KPNA1: variants seen among roughly 807,000 people sequenced by gnomAD.
The protein encoded by KPNA1 is karyopherin subunit alpha 1.
A neutral mutation model predicts 70.5 loss-of-function variants in KPNA1; 10 were observed. That is an observed-to-expected ratio of 0.14 (90% CI 0.09 to 0.24). KPNA1 has a LOEUF of 0.24. KPNA1 is among the 10% of genes least tolerant of loss of function. KPNA1 has a pLI of 1.00. For synonymous variants in KPNA1, 192 were observed against 221.9 expected (o/e 0.87, Z 1.20); for missense variants, 397 against 637.9 (o/e 0.62, Z 4.07).
chr3:122,437,058 G>T, intron 11 of KPNA1, 112 bp downstream of exon 11: 1 of 1,056,550 alleles, frequency 9.5e-7, no homozygotes, highest in Non-Finnish European at 1.4e-6. Flanking sequence ...GGGATTACAG[G>T]CAGGAGCCAC....
intron 9 of KPNA1, among the ~76,000 whole-genome samples, chr3:122,446,528 T>G (rs1457701300): frequency 1.3e-5 from 2 of 152,182 alleles, no homozygotes; most frequent in Admixed American, 6.5e-5. Flanking sequence ...AAGCAGTGTG[T>G]AGAGGGAAAT....
intron 3 of KPNA1, 110 bp from the exon 4 acceptor site, chr3:122,464,151 A>G: frequency 1.0e-5 from 5 of 494,034 alleles, no homozygotes; most frequent in African/African-American, 2.0e-5. Flanking sequence ...ACTTCCCCAG[A>G]AGTTACATAA....
chr3:122,500,680 T>C (rs2076818257), intron 1 of KPNA1, among the ~76,000 whole-genome samples: 1 of 151,762 alleles, frequency 6.6e-6, no homozygotes, highest in Non-Finnish European at 1.5e-5. Context: ...GCTGGGGGGC[T>C]AGGGGGATAG....
At chr3:122,506,981 G>A (rs1019410678) in intron 1 of KPNA1, among the ~76,000 whole-genome samples, 2 of 152,120 alleles carry the variant, frequency 1.3e-5, no homozygotes, top group African/African-American at 4.8e-5. Flanking sequence ...TTATTCTAGT[G>A]AAAAATTGTA....
At chr3:122,509,601 C>A (rs1016060921) in intron 1 of KPNA1, among the ~76,000 whole-genome samples, 2 of 152,072 alleles carry the variant, frequency 1.3e-5, no homozygotes, top group Admixed American at 6.5e-5. Flanking sequence ...AGAAAAAGAC[C>A]TTTGCAAGGT....
chr3:122,481,180 G>A (rs115014353), intron 2 of KPNA1, among the ~76,000 whole-genome samples: 60 of 152,220 alleles, frequency 3.9e-4, no homozygotes, highest in Non-Finnish European at 6.9e-4. Flanking sequence ...TTAGCATACC[G>A]TATAGTACAT....
At chr3:122,455,738 T>C (rs1471911173) in intron 5 of KPNA1, among the ~76,000 whole-genome samples, 1 of 152,084 alleles carries the variant, frequency 6.6e-6, no homozygotes, top group African/African-American at 2.4e-5. Context: ...ATATTTTTAG[T>C]AGAGACGAGG....
At chr3:122,484,335 T>C (rs937723635) in intron 2 of KPNA1, among the ~76,000 whole-genome samples, 1 of 152,156 alleles carries the variant, frequency 6.6e-6, no homozygotes, top group African/African-American at 2.4e-5. Context: ...TGTATACTAA[T>C]CCTCAACACA....
At chr3:122,469,845 G>A (rs1391717074) in intron 2 of KPNA1, among the ~76,000 whole-genome samples, 1 of 152,234 alleles carries the variant, frequency 6.6e-6, no homozygotes, top group Admixed American at 6.5e-5. Context: ...ACACATGCCA[G>A]AAGAAAGTGA....
chr3:122,427,599 C>A lies in KPNA1; in HGVS notation c.1368G>T (p.Gln456His). 6.2e-7 allele frequency: 1 copy of A among 1,614,102 alleles called. No homozygotes were observed. Among genetic ancestry groups the A allele is most frequent in the Non-Finnish European group, 8.5e-7 (1 of 1,180,004 alleles). ...GLENILRLGE[Q>H]EAKRNGTGIN... ...TGCCAGTGCCATTCCTTTTGGCTTC[C>A]TGTTCTCCAAGCCTCAGGATATTTT... The change falls in exon 13 of 14, where the codon CAG becomes CAT. Residue 456 changes from glutamine to histidine, a missense_variant. By Grantham distance (24) the Gln-to-His change is conservative (BLOSUM62 0). Coordinates refer to ENST00000344337, the MANE Select transcript of KPNA1 (RefSeq NM_002264.4).
chr3:122,509,870 C>T (rs573073142), intron 1 of KPNA1, among the ~76,000 whole-genome samples: 42 of 152,106 alleles, frequency 2.8e-4, no homozygotes, highest in Admixed American at 5.2e-4. Context: ...CATGAACTCC[C>T]AGCTTATAAA....
At chr3:122,509,247 CAAA>C (rs112225791) in intron 1 of KPNA1, among the ~76,000 whole-genome samples, 1 of 122,048 alleles carries the variant, frequency 8.2e-6, no homozygotes. Flanking sequence ...CTCTATCAAA[CAAA>C]AAAAAAAAAA....
intron 2 of KPNA1, among the ~76,000 whole-genome samples, chr3:122,478,726 T>TAA (rs772969909): frequency 1.6e-4 from 18 of 113,710 alleles, no homozygotes; most frequent in African/African-American, 4.9e-4. Flanking sequence ...AGGCTTCATC[T>TAA]AAAAAAAAAA....
chr3:122,447,727 C>T (rs2076155730), intron 9 of KPNA1, among the ~76,000 whole-genome samples: 2 of 152,162 alleles, frequency 1.3e-5, no homozygotes, highest in Non-Finnish European at 2.9e-5. Context: ...AAGAGGAAGT[C>T]AAACTGTCCC....
intron 11 of KPNA1, among the ~76,000 whole-genome samples, chr3:122,436,193 C>G (rs151123499): frequency 2.6e-5 from 4 of 152,128 alleles, no homozygotes; most frequent in Non-Finnish European, 5.9e-5. Context: ...CCTATTAGGA[C>G]GAGGAAATTC....
At chr3:122,512,529 C>A (rs2076966398) in intron 1 of KPNA1, among the ~76,000 whole-genome samples, 1 of 152,154 alleles carries the variant, frequency 6.6e-6, no homozygotes, top group African/African-American at 2.4e-5. Context: ...CGAGACCAGC[C>A]TGGGCAAGAC....
intron 2 of KPNA1, among the ~76,000 whole-genome samples, chr3:122,476,765 A>C (rs1368009973): frequency 1.4e-5 from 2 of 147,616 alleles, no homozygotes; most frequent in East Asian, 2.2e-4. Context: ...AAAAGATAAC[A>C]TATTGGCGAG....
chr3:122,496,429 G>C lies in KPNA1; in HGVS notation c.129+8C>G, dbSNP rs373364780. The C allele has an allele frequency of 1.7e-4, 277 of 1,609,902 alleles. 1 individual carries two copies. Among genetic ancestry groups the C allele is most frequent in the South Asian group, 8.1e-4 (74 of 90,918 alleles). On this transcript the variant is annotated splice_region_variant and intron_variant, in intron 2 of 13. Coordinates refer to ENST00000344337, the MANE Select transcript of KPNA1 (RefSeq NM_002264.4). ...TTTAAAAGAAATGAATAAAGGTAAA[G>C]GATTTACCTGCTCTTCTCTTTTCTG...
intron 2 of KPNA1, among the ~76,000 whole-genome samples, chr3:122,486,834 G>A (rs1309833042): frequency 1.1e-4 from 17 of 152,054 alleles, no homozygotes; most frequent in Admixed American, 1.0e-3. Context: ...TGATCCGCCC[G>A]CCTCAGCCTC....
Sources: gnomAD v4.1 joint callset for allele counts (sites outside exome capture counted in the v4.1 genomes callset) on GRCh38, gnomAD v4.1.1 for gene constraint, MANE v1.5 for transcripts, NCBI Gene and HGNC (gene_info 2026-07-23, HGNC 2026-07-21) for gene names.